The following CSMD1 variants were observed in gnomAD, a reference collection of about 807,000 sequenced individuals.
The protein encoded by CSMD1 is CUB and sushi domain-containing protein 1.
A neutral mutation model predicts 417.5 loss-of-function variants in CSMD1; 213 were observed. That is an observed-to-expected ratio of 0.51 (90% CI 0.46 to 0.57). The LOEUF (loss-of-function observed/expected upper bound fraction) is 0.57. CSMD1 is among the 20% of genes least tolerant of loss of function. The probability of loss-of-function intolerance (pLI) is 0.00; values close to 1 mark genes in which losing one functional copy is unlikely to be tolerated. For missense variants in CSMD1, 6,923 were observed against 4,529.7 expected (o/e 1.53, Z -15.17); for synonymous variants, 2,862 against 1,736.8 (o/e 1.65, Z -16.11).
At chr8:4,635,248 C>G (rs1802753140) in intron 2 of CSMD1, among the ~76,000 whole-genome samples, 1 of 152,150 alleles carries the variant, frequency 6.6e-6, no homozygotes, top group South Asian at 2.1e-4. Context: ...ATAAAGCTCT[C>G]TGAGGCACAG....
chr8:4,031,648 G>A (rs1035985340), intron 4 of CSMD1, among the ~76,000 whole-genome samples: 1 of 151,274 alleles, frequency 6.6e-6, no homozygotes, highest in South Asian at 2.1e-4. Context: ...CGTATAACAT[G>A]TAATATTATA....
At chr8:4,600,647 A>C (rs1249114479) in intron 2 of CSMD1, among the ~76,000 whole-genome samples, 1 of 152,200 alleles carries the variant, frequency 6.6e-6, no homozygotes, top group Non-Finnish European at 1.5e-5. Flanking sequence ...GATTACCACC[A>C]ATGTTTAGAT....
At chr8:2,969,970 GA>G (rs1804300836) in intron 57 of CSMD1, among the ~76,000 whole-genome samples, 1 of 152,114 alleles carries the variant, frequency 6.6e-6, no homozygotes, top group African/African-American at 2.4e-5. Flanking sequence ...ATATATTTGA[GA>G]AATATTTTCA....
chr8:3,633,244 A>G (rs1226606159), intron 7 of CSMD1, among the ~76,000 whole-genome samples: 1 of 152,204 alleles, frequency 6.6e-6, no homozygotes, highest in Non-Finnish European at 1.5e-5. Flanking sequence ...GATATAACAT[A>G]AATTACTCTG....
intron 3 of CSMD1, among the ~76,000 whole-genome samples, chr8:4,074,855 C>G (rs1303517526): frequency 2.0e-5 from 3 of 151,538 alleles, no homozygotes; most frequent in Non-Finnish European, 4.4e-5. Flanking sequence ...AGTTTTTTTT[C>G]TCTCCTCCAG....
chr8:2,965,432 G>T (rs768270983), intron 59 of CSMD1, among the ~76,000 whole-genome samples: 1 of 151,934 alleles, frequency 6.6e-6, no homozygotes, highest in African/African-American at 2.4e-5. Context: ...ACCATGCCAC[G>T]AACACCTCAC....
Position 3,479,434 on chromosome 8 carries a change from C to A in CSMD1, c.1449-10610G>T, listed in dbSNP as rs370627613. Among the ~76,000 whole-genome samples the A allele has an allele frequency of 1.7e-3, 263 of 152,226 alleles. 4 individuals carry two copies. Among genetic ancestry groups the A allele is most frequent in the African/African-American group, 6.0e-3 (251 of 41,554 alleles). ...TGGCTGGGATTACAGGCATGCACCA[C>A]CATGCCCAGCTAATTTTGTACTTTT... is the stretch of plus-strand genomic sequence containing the variant. On this transcript the variant is annotated intron_variant, in intron 11 of 69. Transcript: ENST00000635120.
chr8:2,982,269 T>G (rs1266227293), intron 54 of CSMD1, among the ~76,000 whole-genome samples: 1 of 152,126 alleles, frequency 6.6e-6, no homozygotes, highest in African/African-American at 2.4e-5. Flanking sequence ...GGCAGGAGAA[T>G]TGCTTGAACC....
intron 3 of CSMD1, among the ~76,000 whole-genome samples, chr8:4,119,477 G>T (rs1802354271): frequency 6.6e-6 from 1 of 152,148 alleles, no homozygotes; most frequent in South Asian, 2.1e-4. Context: ...AAAACCCATT[G>T]GTTAAACTCG....
At chr8:3,050,426 G>C (rs1811744742) in intron 50 of CSMD1, among the ~76,000 whole-genome samples, 1 of 152,174 alleles carries the variant, frequency 6.6e-6, no homozygotes, top group Admixed American at 6.5e-5. Flanking sequence ...GCATCATTAT[G>C]AATGACCTCC....
intron 51 of CSMD1, among the ~76,000 whole-genome samples, chr8:3,027,151 G>T (rs899343326): frequency 1.1e-4 from 16 of 151,930 alleles, no homozygotes; most frequent in Non-Finnish European, 1.9e-4. Flanking sequence ...GTAGATATAA[G>T]AATAAATTGA....
chr8:3,946,786 T>G (rs1469595254), intron 5 of CSMD1, among the ~76,000 whole-genome samples: 1 of 152,186 alleles, frequency 6.6e-6, no homozygotes, highest in East Asian at 1.9e-4. Flanking sequence ...TGCATGTATC[T>G]TCTTAAATTT....
intron 3 of CSMD1, among the ~76,000 whole-genome samples, chr8:4,325,720 G>T (rs1248436323): frequency 2.6e-5 from 4 of 152,054 alleles, no homozygotes; most frequent in Non-Finnish European, 4.4e-5. Context: ...ATTATAGATG[G>T]AATCCAACAC....
intron 26 of CSMD1, among the ~76,000 whole-genome samples, chr8:3,230,556 AAT>A (rs1465081719): frequency 6.6e-6 from 1 of 152,178 alleles, no homozygotes; most frequent in Non-Finnish European, 1.5e-5. Context: ...TCTCTTCAGC[AAT>A]ATTTTAATGA....
intron 26 of CSMD1, among the ~76,000 whole-genome samples, chr8:3,241,427 C>T (rs1005319318): frequency 1.3e-5 from 2 of 152,090 alleles, no homozygotes; most frequent in African/African-American, 2.4e-5. Context: ...ACCTAAAGCT[C>T]GGCATCTGTG....
intron 5 of CSMD1, among the ~76,000 whole-genome samples, chr8:3,855,267 C>T (rs1002081664): frequency 6.6e-6 from 1 of 152,072 alleles, no homozygotes; most frequent in Admixed American, 6.6e-5. Context: ...TACTATATTG[C>T]ATACAAAAAT....
chr8:3,835,719 A>AG lies in CSMD1; in HGVS notation c.819-81678_819-81677insC, dbSNP rs1563128798. Among the ~76,000 whole-genome samples, 13 of 63,326 alleles carry AG rather than the reference A, an allele frequency of 2.1e-4. No individual in the cohort carries two copies. The East Asian group carries it at 6.4e-3, about 31-fold the overall frequency. 41.5% of individuals were successfully genotyped at this position (63,326 alleles called of 152,430 possible). A position where few individuals can be genotyped will look rare whatever the true frequency, so the allele number is the denominator to read the frequency against. On this transcript the variant is annotated intron_variant, in intron 5 of 69. Coordinates refer to ENST00000635120, the MANE Select transcript of CSMD1 (RefSeq NM_033225.6). ...TGAAACTTAAAGTATAATAAAATTA[A>AG]CAAAAAAAAAAAAAAAGAAATTTGG...
chr8:3,890,470 G>C (rs1585147617), intron 5 of CSMD1, among the ~76,000 whole-genome samples: 1 of 151,872 alleles, frequency 6.6e-6, no homozygotes, highest in East Asian at 1.9e-4. Flanking sequence ...AGCTGAGTGA[G>C]GGAAGTTTTG....
intron 1 of CSMD1, among the ~76,000 whole-genome samples, chr8:4,809,251 T>C (rs1385938719): frequency 1.3e-5 from 2 of 152,190 alleles, no homozygotes; most frequent in African/African-American, 2.4e-5. Flanking sequence ...TAGGAAAAAA[T>C]ACTTCTAATG....
Sources: gnomAD v4.1 joint callset for allele counts (sites outside exome capture counted in the v4.1 genomes callset) on GRCh38, gnomAD v4.1.1 for gene constraint, MANE v1.5 for transcripts, NCBI Gene and HGNC (gene_info 2026-07-23, HGNC 2026-07-21) for gene names.